VWF: variants seen among roughly 807,000 people sequenced by gnomAD.
VWF encodes the protein von Willebrand factor.
Under a neutral mutation model 308.6 loss-of-function variants are expected in VWF, and 176 were observed. The ratio of observed to expected loss-of-function variants is 0.57; its 90% CI spans 0.50 to 0.65. The LOEUF is 0.65. VWF is among the 30% of genes least tolerant of loss of function. VWF has a pLI of 0.00. For synonymous variants in VWF, 1,385 were observed against 1,443.4 expected (o/e 0.96, Z 0.92); for missense variants, 3,146 against 3,648.2 (o/e 0.86, Z 3.55).
At chr12:6,012,241 C>G (rs1944005138) in intron 32 of VWF, 111 bp from the exon 33 acceptor site, 6 of 1,165,944 alleles carry the variant, frequency 5.1e-6, no homozygotes, top group South Asian at 4.9e-5. Flanking sequence ...CAACTCAACT[C>G]TGAAAAGAAT....
intron 34 of VWF, among the ~76,000 whole-genome samples, chr12:6,008,158 G>C (rs1565827464): frequency 6.6e-6 from 1 of 152,034 alleles, no homozygotes; most frequent in Non-Finnish European, 1.5e-5. Context: ...AAACACTGAA[G>C]TGGGAAACCT....
At chr12:6,015,873 TA>T (rs749276881) in intron 31 of VWF, among the ~76,000 whole-genome samples, 59 of 152,214 alleles carry the variant, frequency 3.9e-4, no homozygotes, top group Non-Finnish European at 4.1e-4. Flanking sequence ...TAATTAGTTA[TA>T]AAGATATAGG....
intron 47 of VWF, among the ~76,000 whole-genome samples, chr12:5,955,678 C>T (rs545916591): frequency 1.3e-5 from 2 of 152,026 alleles, no homozygotes; most frequent in East Asian, 3.9e-4. Flanking sequence ...CAGGCAGGAA[C>T]TTTAAAATAA....
chr12:5,963,750 C>T (rs1943345059), intron 47 of VWF, among the ~76,000 whole-genome samples: 1 of 152,168 alleles, frequency 6.6e-6, no homozygotes, highest in South Asian at 2.1e-4. Flanking sequence ...AATCATAGCT[C>T]AGCGCAGCTA....
chr12:6,081,979 T>A (rs1437640744), intron 6 of VWF, among the ~76,000 whole-genome samples: 1 of 152,142 alleles, frequency 6.6e-6, no homozygotes, highest in Non-Finnish European at 1.5e-5. Flanking sequence ...TGGTGTTTTT[T>A]TTTTTGAAAC....
At chr12:5,983,546 T>TG (rs1565818827) in intron 40 of VWF, among the ~76,000 whole-genome samples, 4 of 131,866 alleles carry the variant, frequency 3.0e-5, no homozygotes, top group Non-Finnish European at 6.9e-5. Flanking sequence ...GATAGATGGA[T>TG]GATAGATAGA....
chr12:6,106,448 G>A (rs545863504), intron 5 of VWF, among the ~76,000 whole-genome samples: 1 of 152,308 alleles, frequency 6.6e-6, no homozygotes, highest in East Asian at 1.9e-4. Flanking sequence ...AGAATGGGAA[G>A]TTATTGTGTA....
intron 6 of VWF, among the ~76,000 whole-genome samples, chr12:6,077,950 G>A (rs1177585265): frequency 6.6e-6 from 1 of 152,148 alleles, no homozygotes; most frequent in Non-Finnish European, 1.5e-5. Flanking sequence ...GCAAAACAGG[G>A]GAGAATAGTA....
chr12:6,110,028 G>A, intron 5 of VWF, among the ~76,000 whole-genome samples: 1 of 152,108 alleles, frequency 6.6e-6, no homozygotes, highest in South Asian at 2.1e-4. Context: ...TGGCCTTTTT[G>A]GATGGTGTGG....
Position 6,075,381 on chromosome 12 carries a change from G to C in VWF, c.828C>G (p.Ala276=). The change falls in exon 7 of 52, where the codon GCC becomes GCG. Residue 276 remains alanine (A), a synonymous_variant. Coordinates refer to ENST00000261405, the MANE Select transcript of VWF (RefSeq NM_000552.5). The surrounding 1 kb of genome is among the most constrained non-coding windows in gnomAD (Gnocchi z 4.7). ...AGCCGTACAGCACCATTCCCTCCTGGGCACAGGTCCGGGCGTACTCCAGGA... is the reference window on the plus strand; with the variant it reads ...AGCCGTACAGCACCATTCCCTCCTGCGCACAGGTCCGGGCGTACTCCAGGA... The part of the protein sequence containing the change: ...PALLEYARTC[A]QEGMVLYGWT... 2 of 1,614,094 alleles carry C rather than the reference G, an allele frequency of 1.2e-6. No individual in the cohort carries two copies. The highest frequency in any genetic ancestry group is 1.7e-6 in the Non-Finnish European group (2 of 1,180,018).
chr12:6,106,875 C>CAAAA (rs201177758), intron 5 of VWF, among the ~76,000 whole-genome samples: 82 of 33,980 alleles, frequency 2.4e-3, no homozygotes, highest in Middle Eastern at 0.012. Context: ...AACTCCGACT[C>CAAAA]AAAAAAAAAA....
At chr12:6,057,094 C>A in intron 14 of VWF, 22 bp from the exon 15 acceptor site, 1 of 1,526,382 alleles carries the variant, frequency 6.6e-7, no homozygotes, top group South Asian at 1.2e-5. Context: ...GAGGAGCGAG[C>A]CTGGGATGTG....
At chr12:6,099,103 T>G (rs576773658) in intron 5 of VWF, among the ~76,000 whole-genome samples, 9 of 151,972 alleles carry the variant, frequency 5.9e-5, no homozygotes, top group African/African-American at 9.7e-5. Flanking sequence ...GTGGATCACT[T>G]GAGGTCAAGA....
At position 6,052,591 on chromosome 12, in the gene VWF, C is replaced by A. The variant is rs760218536; in HGVS notation, c.2138G>T (p.Gly713Val). ...PKAQCPCYYD[G>V]EIFQPEDIFS... The stretch of plus-strand genomic sequence containing the variant: ...GATGTCTTCTGGCTGGAAGATCTCA[C>A]CGTCATAGTAACAGGGGCACTGGGC... Residue 713 changes from glycine (G) to valine (V), a missense_variant, in exon 16 of 52, where the codon GGT (glycine) becomes GTT (valine). Physicochemically the swap from Gly to Val is moderately radical, Grantham distance 109. Transcript: ENST00000261405. The A allele has an allele frequency of 1.9e-6, 3 of 1,614,152 alleles. No homozygotes were observed. Among genetic ancestry groups the A allele is most frequent in the Non-Finnish European group, 2.5e-6 (3 of 1,180,060 alleles).
At chr12:5,999,765 T>C (rs768127865) in intron 34 of VWF, among the ~76,000 whole-genome samples, 1 of 151,472 alleles carries the variant, frequency 6.6e-6, no homozygotes, top group Non-Finnish European at 1.5e-5. Context: ...TCTGCACAAA[T>C]GAAAACCACC....
chr12:6,027,042 C>T (rs1944201756), intron 22 of VWF, among the ~76,000 whole-genome samples: 1 of 152,174 alleles, frequency 6.6e-6, no homozygotes, highest in African/African-American at 2.4e-5. Flanking sequence ...TATCTTGCTT[C>T]AATAAGCTGC....
At chr12:6,105,873 A>G (rs1416504249) in intron 5 of VWF, among the ~76,000 whole-genome samples, 1 of 151,116 alleles carries the variant, frequency 6.6e-6, no homozygotes, top group East Asian at 1.9e-4. Context: ...CATCTCTACT[A>G]AAAATACAAA....
chr12:6,106,034 T>C (rs1945239950), intron 5 of VWF, among the ~76,000 whole-genome samples: 1 of 151,992 alleles, frequency 6.6e-6, no homozygotes, highest in South Asian at 2.1e-4. Flanking sequence ...AGAGGGAAAC[T>C]CCATCTCAAA....
chr12:6,022,055 T>C lies in VWF; in HGVS notation c.3539-20A>G. The C allele has an allele frequency of 6.2e-7, 1 of 1,613,966 alleles. No individual in the cohort carries two copies. The highest frequency in any genetic ancestry group is 1.1e-5 in the South Asian group (1 of 91,068). On this transcript the variant is annotated intron_variant, in intron 26 of 51. Coordinates refer to ENST00000261405, the MANE Select transcript of VWF (RefSeq NM_000552.5). ...TTTTCCCTGCAAAAGAAAGCTCTCA[T>C]TAGGAACCAAAACGCTCCCCTTTCC...
Sources: allele counts gnomAD v4.1 joint callset (sites outside exome capture counted in the v4.1 genomes callset), GRCh38; gene constraint gnomAD v4.1.1; non-coding constraint Gnocchi (gnomAD v3.1); transcripts MANE v1.5; gene names NCBI Gene and HGNC (gene_info 2026-07-23, HGNC 2026-07-21).